The following DNM3 variants were observed in gnomAD, a reference collection of about 807,000 sequenced individuals.
DNM3 encodes dynamin-3.
A neutral mutation model predicts 101.6 loss-of-function variants in DNM3; 47 were observed. That is an observed-to-expected ratio of 0.46 (90% confidence interval 0.37 to 0.59). The LOEUF (loss-of-function observed/expected upper bound fraction) is 0.59, where lower values mean the gene tolerates loss of function less well. Among genes scored for constraint, DNM3 ranks in the 20% least tolerant of loss-of-function variants. The pLI is 0.00. For synonymous variants in DNM3, 385 were observed against 387.9 expected, an observed-to-expected ratio of 0.99 and a Z score of 0.09; for missense variants, 849 against 1,085.7, an observed-to-expected ratio of 0.78 and a Z score of 3.06.
chr1:172,046,014 A>C (rs2049765327), intron 9 of DNM3, among the ~76,000 whole-genome samples: 1 of 152,226 alleles, frequency 6.6e-6, no homozygotes, highest in Non-Finnish European at 1.5e-5. Context: ...TCAGGGATCT[A>C]GAACTAGAAA....
At chr1:172,034,247 A>T (rs2048808804) in intron 6 of DNM3, among the ~76,000 whole-genome samples, 1 of 152,152 alleles carries the variant, frequency 6.6e-6, no homozygotes. Flanking sequence ...AATTAAAGAT[A>T]AACATTTGGA....
At chr1:172,205,977 T>C (rs1213590887) in intron 14 of DNM3, among the ~76,000 whole-genome samples, 2 of 152,236 alleles carry the variant, frequency 1.3e-5, no homozygotes, top group South Asian at 2.1e-4. Context: ...GTATCATGTG[T>C]TGGTCATTTG....
intron 18 of DNM3, among the ~76,000 whole-genome samples, chr1:172,381,757 G>A (rs929096292): frequency 1.3e-5 from 2 of 152,010 alleles, no homozygotes; most frequent in Non-Finnish European, 2.9e-5. Context: ...AAATCACAAC[G>A]AGAAAACTAG....
chr1:171,942,938 C>T, intron 2 of DNM3, among the ~76,000 whole-genome samples: 1 of 151,908 alleles, frequency 6.6e-6, no homozygotes, highest in Non-Finnish European at 1.5e-5. Context: ...CATAGTAAGA[C>T]TTCATCTCTA....
intron 20 of DNM3, among the ~76,000 whole-genome samples, chr1:172,391,600 AT>A (rs1355206655): frequency 1.3e-5 from 2 of 152,056 alleles, no homozygotes; most frequent in African/African-American, 4.8e-5. Context: ...AATATATTCT[AT>A]TTCCCCTCTG....
intron 4 of DNM3, among the ~76,000 whole-genome samples, chr1:172,014,761 AT>A (rs371990984): frequency 0.018 from 2,760 of 150,386 alleles, 45 homozygotes; most frequent in Non-Finnish European, 0.029. Flanking sequence ...TCACTTTTTA[AT>A]TTTTTTTTCT....
Position 172,410,568 on chromosome 1 carries a change from T to C in DNM3, c.*2727T>C, listed in dbSNP as rs2071147404. On this transcript the variant is annotated 3_prime_UTR_variant, in exon 21 of 21. Coordinates refer to ENST00000627582, the MANE Select transcript of DNM3 (RefSeq NM_015569.5). ...ATTGGAATAACCATTTACTCAATTA[T>C]GGACAGCTTATTGAAATAGTATTGA... 6.1e-6 allele frequency: 6 copies of C among 984,422 alleles called. No homozygotes were observed. The highest frequency in any genetic ancestry group is 9.4e-5 in the South Asian group (2 of 21,266). The allele number at this position is 984,422 out of a possible 1,614,324, so 61.0% of individuals were successfully genotyped here.
intron 2 of DNM3, among the ~76,000 whole-genome samples, chr1:171,941,704 A>G (rs2041828678): frequency 6.6e-6 from 1 of 152,222 alleles, no homozygotes; most frequent in Admixed American, 6.5e-5. Flanking sequence ...TAGTATCCCT[A>G]CTTTATGGGT....
intron 2 of DNM3, among the ~76,000 whole-genome samples, chr1:171,942,556 G>A (rs1358735883): frequency 6.6e-6 from 1 of 152,038 alleles, no homozygotes; most frequent in Non-Finnish European, 1.5e-5. Context: ...TATTTATTGG[G>A]AGCTTCTATG....
intron 17 of DNM3, chr1:172,370,372 C>T (rs1241845102): frequency 6.6e-6 from 1 of 151,904 alleles, no homozygotes; most frequent in Non-Finnish European, 1.5e-5. Context: ...TACTATATTT[C>T]CCTTTTAGTA....
chr1:172,385,407 C>T (rs777945553), intron 18 of DNM3, among the ~76,000 whole-genome samples: 2 of 152,206 alleles, frequency 1.3e-5, no homozygotes, highest in East Asian at 1.9e-4. Context: ...TCAAGGCCTT[C>T]GCATCTGCCT....
rs180740519 is a variant in DNM3, at chr1:172,192,299, A to G, written c.1659+61011A>G. ...TCTGTTTATATGATGGATTACATTT[A>G]TTGATTTGCATATGTTGAACCAGCC... On this transcript the variant is annotated intron_variant, in intron 14 of 20. Transcript: ENST00000627582. Among the ~76,000 whole-genome samples, 1,004 of 150,498 alleles carry G rather than the reference A, an allele frequency of 6.7e-3. 16 individuals are homozygous for G. Among genetic ancestry groups the G allele is most frequent in the African/African-American group, 0.023 (957 of 41,144 alleles).
Position 172,042,106 on chromosome 1 carries a change from C to T in DNM3, c.1090C>T (p.Arg364Cys), listed in dbSNP as rs1430116420. The T allele has an allele frequency of 3.7e-6, 6 of 1,609,420 alleles. No individual in the cohort carries two copies. Among genetic ancestry groups the T allele is most frequent in the Non-Finnish European group, 1.7e-6 (2 of 1,178,722 alleles). Residue 364 changes from arginine (R) to cysteine (C), a missense_variant, in exon 8 of 21, where the codon CGT (arginine) becomes TGT (cysteine). By Grantham distance (180) the Arg-to-Cys change is radical (BLOSUM62 -3). Coordinates refer to ENST00000627582, the MANE Select transcript of DNM3 (RefSeq NM_015569.5). ...ACTCTCAGGTGGTGCTAAAATCAAT[C>T]GTATTTTTCATGAACGCTTTCCTTT... ...LELSGGAKIN[R>C]IFHERFPFEI...
intron 14 of DNM3, 47 bp from the exon 15 acceptor site, chr1:172,253,525 CT>C (rs200569525): frequency 2.8e-5 from 37 of 1,299,396 alleles, no homozygotes; most frequent in Non-Finnish European, 3.5e-5. Flanking sequence ...CTCTCCTCTC[CT>C]CTCCTCTCCT....
At chr1:171,850,399 G>A (rs866390176) in intron 1 of DNM3, among the ~76,000 whole-genome samples, 1 of 151,846 alleles carries the variant, frequency 6.6e-6, no homozygotes. Flanking sequence ...AATAGCTTTG[G>A]GTTTCTTATC....
At chr1:171,999,156 C>T (rs2046206722) in intron 4 of DNM3, among the ~76,000 whole-genome samples, 2 of 151,942 alleles carry the variant, frequency 1.3e-5, no homozygotes, top group South Asian at 2.1e-4. Context: ...AGCAAGGAGA[C>T]CAGTTAGGTT....
At chr1:172,230,113 G>T (rs2061277995) in intron 14 of DNM3, among the ~76,000 whole-genome samples, 1 of 151,974 alleles carries the variant, frequency 6.6e-6, no homozygotes, top group Non-Finnish European at 1.5e-5. Flanking sequence ...TGTTGTCATG[G>T]TTTTTTGTTT....
chr1:171,927,764 C>T (rs2040695629), intron 2 of DNM3, among the ~76,000 whole-genome samples: 1 of 152,108 alleles, frequency 6.6e-6, no homozygotes, highest in Admixed American at 6.5e-5. Context: ...TCTTAGTTTC[C>T]TTGGATTGGG....
At chr1:172,100,987 G>A (rs1376111021) in intron 13 of DNM3, among the ~76,000 whole-genome samples, 2 of 152,134 alleles carry the variant, frequency 1.3e-5, no homozygotes, top group Non-Finnish European at 2.9e-5. Flanking sequence ...GCTTATTTCT[G>A]AACTATTCAC....
Sources: gnomAD v4.1 joint callset for allele counts (sites outside exome capture counted in the v4.1 genomes callset) on GRCh38, gnomAD v4.1.1 for gene constraint, MANE v1.5 for transcripts, NCBI Gene and HGNC (gene_info 2026-07-23, HGNC 2026-07-21) for gene names.